Variants in TSNAX observed in about 807,000 individuals in gnomAD.
TSNAX encodes the protein translin-associated protein X.
Under a neutral mutation model 33.0 loss-of-function variants are expected in TSNAX, and 12 were observed. That is an observed-to-expected ratio of 0.36 (90% CI 0.23 to 0.59). TSNAX has a LOEUF of 0.59. Ranked by LOEUF, TSNAX falls within the 20% of genes least tolerant of loss-of-function variation. TSNAX has a pLI of 0.74. For missense variants in TSNAX, 267 were observed against 341.3 expected (o/e 0.78, Z 1.72); for synonymous variants, 110 against 117.2 (o/e 0.94, Z 0.40).
intron 2 of TSNAX, among the ~76,000 whole-genome samples, chr1:231,532,084 AAACT>A (rs1299698599): frequency 2.2e-4 from 31 of 144,032 alleles, no homozygotes; most frequent in Admixed American, 1.9e-3. Flanking sequence ...GAAAAAAAAA[AAACT>A]AACTGAGGTG....
At position 231,565,227 on chromosome 1, in the gene TSNAX, C is replaced by G. The variant is rs374748935; in HGVS notation, c.*322C>G. On this transcript the variant is annotated 3_prime_UTR_variant, in exon 6 of 6. Coordinates refer to ENST00000366639, the MANE Select transcript of TSNAX (RefSeq NM_005999.3). ...CATAACCTATTTTAATTTACTTTTT[C>G]TGAAGTTTGGAGTGATAATTTTTAG... 3 of 183,010 alleles carry G rather than the reference C, an allele frequency of 1.6e-5. No individual in the cohort carries two copies. The highest frequency in any genetic ancestry group is 3.4e-5 in the Non-Finnish European group (3 of 88,330). 11.3% of individuals were successfully genotyped at this position (183,010 alleles called of 1,614,324 possible).
intron 2 of TSNAX, among the ~76,000 whole-genome samples, chr1:231,532,169 C>T (rs1296559604): frequency 2.1e-5 from 2 of 93,470 alleles, no homozygotes; most frequent in African/African-American, 7.5e-5. Flanking sequence ...CACACACACA[C>T]ACACACACAC....
intron 2 of TSNAX, chr1:231,536,109 G>A (rs1013297985): frequency 2.6e-5 from 4 of 151,998 alleles, no homozygotes; most frequent in African/African-American, 7.3e-5. Context: ...ATTAAATTTT[G>A]ATGTTTCTTA....
At chr1:231,560,226 G>C (rs7512613) in intron 4 of TSNAX, among the ~76,000 whole-genome samples, 1 of 151,636 alleles carries the variant, frequency 6.6e-6, no homozygotes, top group African/African-American at 2.4e-5. Context: ...TGATCCACCC[G>C]CCTGGGCCTC....
intron 4 of TSNAX, among the ~76,000 whole-genome samples, chr1:231,552,534 G>A (rs985583865): frequency 7.6e-6 from 1 of 130,798 alleles, no homozygotes; most frequent in African/African-American, 3.4e-5. Flanking sequence ...ACGCTAACTT[G>A]TTTTAAAAAT....
intron 2 of TSNAX, among the ~76,000 whole-genome samples, chr1:231,530,844 C>T (rs1048693128): frequency 1.3e-5 from 2 of 151,756 alleles, no homozygotes; most frequent in East Asian, 2.0e-4. Flanking sequence ...GCCGAGATCG[C>T]GCCTTTGCAC....
chr1:231,531,690 T>C (rs894264002), intron 2 of TSNAX, among the ~76,000 whole-genome samples: 1 of 152,184 alleles, frequency 6.6e-6, no homozygotes, highest in Non-Finnish European at 1.5e-5. Context: ...AGTTAATAGT[T>C]TAAGTTCTTG....
At chr1:231,555,729 A>G (rs1660648802) in intron 4 of TSNAX, among the ~76,000 whole-genome samples, 1 of 152,198 alleles carries the variant, frequency 6.6e-6, no homozygotes, top group South Asian at 2.1e-4. Context: ...TATTTGGCTT[A>G]CAGAGATGAT....
chr1:231,533,533 A>C (rs965535273), intron 2 of TSNAX, among the ~76,000 whole-genome samples: 1 of 152,228 alleles, frequency 6.6e-6, no homozygotes, highest in Admixed American at 6.5e-5. Flanking sequence ...TAATTGCATT[A>C]AAAGGAGTTA....
intron 2 of TSNAX, among the ~76,000 whole-genome samples, chr1:231,532,972 T>C (rs1467438135): frequency 6.6e-6 from 1 of 152,262 alleles, no homozygotes; most frequent in Non-Finnish European, 1.5e-5. Flanking sequence ...TCCCTTTTTT[T>C]TCCTTTCATA....
intron 3 of TSNAX, among the ~76,000 whole-genome samples, chr1:231,542,240 T>C (rs1406759173): frequency 6.6e-6 from 1 of 152,194 alleles, no homozygotes; most frequent in Non-Finnish European, 1.5e-5. Context: ...TATCCATATA[T>C]CATATTTTTA....
intron 2 of TSNAX, chr1:231,535,210 T>G (rs1399046602): frequency 6.6e-6 from 1 of 152,216 alleles, no homozygotes; most frequent in Non-Finnish European, 1.5e-5. Context: ...TAATGTAATC[T>G]TTATGTAGAC....
chr1:231,560,442 C>A (rs1661024320), intron 4 of TSNAX, among the ~76,000 whole-genome samples: 1 of 96,538 alleles, frequency 1.0e-5, no homozygotes, highest in African/African-American at 4.1e-5. Flanking sequence ...GAGACGAAGT[C>A]TCGCTCTTGT....
intron 4 of TSNAX, chr1:231,554,601 C>T (rs199996655): frequency 6.6e-6 from 1 of 152,088 alleles, no homozygotes; most frequent in African/African-American, 2.4e-5. Context: ...TGTATTAAAA[C>T]ATTTAAACTA....
chr1:231,529,523 C>A (rs1419409990), intron 2 of TSNAX, among the ~76,000 whole-genome samples, 164 bp downstream of exon 2: 7 of 152,176 alleles, frequency 4.6e-5, no homozygotes, highest in Non-Finnish European at 1.5e-5. Context: ...AAGGCCTTCA[C>A]TTTTATGTCC....
intron 4 of TSNAX, among the ~76,000 whole-genome samples, chr1:231,551,975 G>T (rs1045355181): frequency 2.0e-5 from 3 of 151,988 alleles, no homozygotes; most frequent in Non-Finnish European, 4.4e-5. Context: ...CTGTGTGACA[G>T]AGCAAGATCA....
At chr1:231,556,563 G>A (rs1458971586) in intron 4 of TSNAX, among the ~76,000 whole-genome samples, 1 of 152,214 alleles carries the variant, frequency 6.6e-6, no homozygotes. Flanking sequence ...GGGCGAGATG[G>A]AGAGAATAAC....
At chr1:231,557,400 C>T (rs576120719) in intron 4 of TSNAX, among the ~76,000 whole-genome samples, 8 of 152,104 alleles carry the variant, frequency 5.3e-5, no homozygotes, top group South Asian at 2.1e-4. Context: ...TGAATGCTGC[C>T]GAGATGAAGA....
At chr1:231,535,582 C>G (rs1399114434) in intron 2 of TSNAX, 1 of 152,048 alleles carries the variant, frequency 6.6e-6, no homozygotes, top group Non-Finnish European at 1.5e-5. Flanking sequence ...ATATTCGAGA[C>G]TAAAACAAAT....
Sources: allele counts gnomAD v4.1 joint callset (sites outside exome capture counted in the v4.1 genomes callset), GRCh38; gene constraint gnomAD v4.1.1; transcripts MANE v1.5; gene names NCBI Gene and HGNC (gene_info 2026-07-23, HGNC 2026-07-21).